Variants in SND1 observed in about 807,000 individuals in gnomAD.
The protein encoded by SND1 is staphylococcal nuclease domain-containing protein 1.
Under a neutral mutation model 121.7 loss-of-function variants are expected in SND1, and 38 were observed. That is an observed-to-expected ratio of 0.31 (90% CI 0.24 to 0.41). SND1 has a LOEUF of 0.41. Among genes scored for constraint, SND1 ranks in the 10% least tolerant of loss-of-function variants. SND1 has a pLI of 1.00. For synonymous variants in SND1, 401 were observed against 447.4 expected, an observed-to-expected ratio of 0.90 and a Z score of 1.31; for missense variants, 868 against 1,184.6, an observed-to-expected ratio of 0.73 and a Z score of 3.92.
At chr7:127,735,748 TC>T (rs1796766037) in intron 10 of SND1, among the ~76,000 whole-genome samples, 1 of 152,234 alleles carries the variant, frequency 6.6e-6, no homozygotes, top group Middle Eastern at 3.4e-3. Context: ...TGCCTCAGCC[TC>T]CCAACTAGCT....
intron 10 of SND1, among the ~76,000 whole-genome samples, chr7:127,726,202 G>T (rs958348597): frequency 4.6e-5 from 7 of 152,204 alleles, no homozygotes; most frequent in African/African-American, 1.2e-4. Flanking sequence ...AAATTCATGG[G>T]TAGCCACTTC....
intron 13 of SND1, among the ~76,000 whole-genome samples, chr7:127,894,182 G>T (rs1470420365): frequency 6.6e-6 from 1 of 152,046 alleles, no homozygotes; most frequent in Non-Finnish European, 1.5e-5. Context: ...GGGGGCCACA[G>T]TGGGCTTTCT....
intron 16 of SND1, chr7:128,028,710 G>A (rs1264478123): frequency 1.2e-6 from 2 of 1,613,848 alleles, no homozygotes; most frequent in Non-Finnish European, 1.7e-6. Flanking sequence ...CTTGTCCTTG[G>A]TATGGGTCTG....
At chr7:127,946,020 TGC>T (rs1236763493) in intron 15 of SND1, among the ~76,000 whole-genome samples, 2 of 152,252 alleles carry the variant, frequency 1.3e-5, no homozygotes, top group African/African-American at 4.8e-5. Context: ...CTCCATTCAC[TGC>T]ATCTGCGTGT....
rs1047161140 is a variant in SND1 at position 128,088,446 on chromosome 7, CTTTTTTTTTTTTTT to C, written c.2419-1032_2419-1019del. Reference sequence around the variant, plus strand: ...TGCACTCTGGCCAGTCCCTATCTCTCTTTTTTTTTTTTTTTTTTTTTTTTGAGATGAATTCTTGC... The same window carrying C: ...TGCACTCTGGCCAGTCCCTATCTCTCTTTTTTTTTTGAGATGAATTCTTGC... On this transcript the variant is annotated intron_variant, in intron 21 of 23. Transcript: ENST00000354725. Among the ~76,000 whole-genome samples the C allele has an allele frequency of 3.7e-5, 3 of 80,114 alleles. No individual in the cohort carries two copies. In the Admixed American group the frequency reaches 4.6e-4, roughly 12 times the overall value. 52.6% of individuals were successfully genotyped at this position (80,114 alleles called of 152,430 possible).
intron 16 of SND1, among the ~76,000 whole-genome samples, chr7:127,992,517 T>C (rs1361380600): frequency 6.6e-6 from 1 of 152,162 alleles, no homozygotes. Flanking sequence ...CTTAAAGACA[T>C]TGTGAAGGAT....
intron 14 of SND1, among the ~76,000 whole-genome samples, chr7:127,905,537 A>C (rs1380239653): frequency 6.6e-6 from 1 of 152,162 alleles, no homozygotes; most frequent in Admixed American, 6.6e-5. Context: ...TATAACAATG[A>C]AGAAAACTAC....
At chr7:127,897,833 G>GTGTT (rs1800150117) in intron 13 of SND1, among the ~76,000 whole-genome samples, 1 of 152,036 alleles carries the variant, frequency 6.6e-6, no homozygotes, top group Admixed American at 6.6e-5. Flanking sequence ...TACTTAAACG[G>GTGTT]TGTTTTTTTT....
intron 9 of SND1, among the ~76,000 whole-genome samples, chr7:127,709,291 C>T (rs1195527345): frequency 2.6e-5 from 4 of 152,138 alleles, no homozygotes. Context: ...AACATAGCTA[C>T]AGAATGAAAG....
At chr7:127,777,619 C>T (rs1172617063) in intron 10 of SND1, among the ~76,000 whole-genome samples, 2 of 152,144 alleles carry the variant, frequency 1.3e-5, no homozygotes, top group African/African-American at 4.8e-5. Flanking sequence ...AAACACACAA[C>T]CATGATATAC....
intron 16 of SND1, among the ~76,000 whole-genome samples, chr7:128,060,029 G>C (rs1459510760): frequency 6.6e-6 from 1 of 152,218 alleles, no homozygotes; most frequent in African/African-American, 2.4e-5. Context: ...GGAGTTACTT[G>C]TTAGGAAGAG....
intron 10 of SND1, among the ~76,000 whole-genome samples, chr7:127,746,073 A>G (rs1796976177): frequency 6.6e-6 from 1 of 152,172 alleles, no homozygotes; most frequent in African/African-American, 2.4e-5. Context: ...ACAACACAGA[A>G]CACTGTCACA....
intron 3 of SND1, among the ~76,000 whole-genome samples, chr7:127,696,436 T>A (rs562652012): frequency 1.3e-5 from 2 of 152,332 alleles, no homozygotes; most frequent in East Asian, 3.9e-4. Context: ...GTAATTCTTA[T>A]AATATAGTAA....
intron 10 of SND1, among the ~76,000 whole-genome samples, chr7:127,783,002 G>C (rs1282662250): frequency 6.6e-6 from 1 of 152,186 alleles, no homozygotes; most frequent in Non-Finnish European, 1.5e-5. Flanking sequence ...CTTTAATTCA[G>C]CAAACATGCT....
At position 128,036,064 on chromosome 7, in the gene SND1, CTA is replaced by C. The variant is rs1792744491; in HGVS notation, c.1780-38437_1780-38436del. Among the ~76,000 whole-genome samples, 6 of 152,090 alleles carry C rather than the reference CTA, an allele frequency of 3.9e-5. No homozygotes were observed. The South Asian group carries it at 1.2e-3, about 32-fold the overall frequency. Reference sequence around the variant, plus strand: ...AAAGACATAAAAGGAATTTGGGAAACTAGAAAGAAAAAAGTAGTATGGAAATT... The same window carrying C: ...AAAGACATAAAAGGAATTTGGGAAACGAAAGAAAAAAGTAGTATGGAAATT... On this transcript the variant is annotated intron_variant, in intron 16 of 23. Transcript: ENST00000354725.
intron 10 of SND1, among the ~76,000 whole-genome samples, chr7:127,806,615 T>C (rs1017793501): frequency 3.3e-5 from 5 of 152,236 alleles, no homozygotes; most frequent in South Asian, 2.1e-4. Context: ...TGAACACTTA[T>C]AGCATTTAGT....
In SND1 at chr7:128,052,803, G is replaced by A. The variant is rs1435649080; in HGVS notation, c.1780-21699G>A. ...GAAAATCATTCCCTCGGATTTCAGT[G>A]TTACTTCGATGGGTCCCTTGGGGCA... is the stretch of plus-strand genomic sequence containing the variant. On this transcript the variant is annotated intron_variant, in intron 16 of 23. Transcript: ENST00000354725. The surrounding 1 kb of genome is among the most constrained non-coding windows in gnomAD (Gnocchi z 4.6). Among the ~76,000 whole-genome samples the A allele has an allele frequency of 2.0e-5, 3 of 152,202 alleles. No homozygotes were observed. Among genetic ancestry groups the A allele is most frequent in the African/African-American group, 7.2e-5 (3 of 41,448 alleles).
rs72233818 is a variant in SND1, at chr7:127,817,721, CTTTTTT to C, written c.1242+10169_1242+10174del. Among the ~76,000 whole-genome samples the C allele has an allele frequency of 4.2e-4, 44 of 104,092 alleles. 1 individual carries two copies. Among genetic ancestry groups the C allele is most frequent in the African/African-American group, 1.3e-3 (37 of 27,440 alleles). The allele number at this position is 104,092 out of a possible 152,430, so 68.3% of individuals were successfully genotyped here. A position where few individuals can be genotyped will look rare whatever the true frequency, so the allele number is the denominator to read the frequency against. Reference sequence around the variant, plus strand: ...CATTTCACAACTTCTTTCCTTCATACTTTTTTTTTTTTTTTTTTTTTTTTTTGGTCA... The same window carrying C: ...CATTTCACAACTTCTTTCCTTCATACTTTTTTTTTTTTTTTTTTTTGGTCA... On this transcript the variant is annotated intron_variant, in intron 11 of 23. Transcript: ENST00000354725.
At chr7:127,827,722 A>G (rs1798667833) in intron 11 of SND1, among the ~76,000 whole-genome samples, 1 of 152,178 alleles carries the variant, frequency 6.6e-6, no homozygotes, top group Non-Finnish European at 1.5e-5. Flanking sequence ...ATTTCATTTT[A>G]TAATCTTCTG....
Sources: allele counts gnomAD v4.1 joint callset (sites outside exome capture counted in the v4.1 genomes callset), GRCh38; gene constraint gnomAD v4.1.1; non-coding constraint Gnocchi (gnomAD v3.1); transcripts MANE v1.5; gene names NCBI Gene and HGNC (gene_info 2026-07-23, HGNC 2026-07-21).